The following CDKAL1 variants were observed in gnomAD, a reference collection of about 807,000 sequenced individuals.
CDKAL1 encodes the protein CDKAL1 threonylcarbamoyladenosine tRNA methylthiotransferase, also known as threonylcarbamoyladenosine tRNA methylthiotransferase.
CDKAL1 carries 32 observed loss-of-function variants against 68.2 expected under a neutral mutation model. The observed-to-expected ratio is 0.47, with a 90% CI of 0.35 to 0.63. The LOEUF is 0.63. Among genes scored for constraint, CDKAL1 ranks in the 30% least tolerant of loss-of-function variants. The pLI is 0.00. For synonymous variants in CDKAL1, 234 were observed against 244.3 expected, an observed-to-expected ratio of 0.96 and a Z score of 0.39; for missense variants, 606 against 696.7, an observed-to-expected ratio of 0.87 and a Z score of 1.47.
At chr6:20,917,823 T>C (rs140208387) in intron 9 of CDKAL1, among the ~76,000 whole-genome samples, 1 of 152,328 alleles carries the variant, frequency 6.6e-6, no homozygotes, top group Non-Finnish European at 1.5e-5. Context: ...AATTCATACA[T>C]TGAAACCTAA....
At chr6:20,775,355 C>G (rs1273332352) in intron 7 of CDKAL1, among the ~76,000 whole-genome samples, 1 of 152,156 alleles carries the variant, frequency 6.6e-6, no homozygotes. Flanking sequence ...TCCCTTCACT[C>G]AAGCCAAAAG....
chr6:20,678,765 T>C (rs1382734907), intron 5 of CDKAL1, among the ~76,000 whole-genome samples: 1 of 152,146 alleles, frequency 6.6e-6, no homozygotes, highest in East Asian at 1.9e-4. Flanking sequence ...ATATATATTA[T>C]TTTTTATTTA....
Position 20,897,921 on chromosome 6 carries a change from A to G in CDKAL1, c.742+51743A>G, listed in dbSNP as rs935354232. The stretch of plus-strand genomic sequence containing the variant: ...AGTAATTAAAATACAATAAAAATCT[A>G]TTTAAGATTGGATTATATGAATGAC... On this transcript the variant is annotated intron_variant, in intron 9 of 15. Coordinates refer to ENST00000274695, the MANE Select transcript of CDKAL1 (RefSeq NM_017774.3). 2.6e-5 allele frequency among the ~76,000 whole-genome samples: 4 copies of G among 152,290 alleles called. No homozygotes were observed. The South Asian group carries it at 6.2e-4, about 24-fold the overall frequency.
chr6:21,104,530 AC>A (rs1773748904), intron 12 of CDKAL1, among the ~76,000 whole-genome samples: 1 of 151,624 alleles, frequency 6.6e-6, no homozygotes, highest in African/African-American at 2.4e-5. Flanking sequence ...AAAAAAAAAA[AC>A]AACAGGCAGT....
chr6:20,611,072 G>A (rs2127722213), intron 4 of CDKAL1, among the ~76,000 whole-genome samples: 1 of 152,152 alleles, frequency 6.6e-6, no homozygotes, highest in East Asian at 1.9e-4. Flanking sequence ...GAAATCTGGT[G>A]GCCATCTGTT....
At chr6:21,183,297 G>A (rs1203765030) in intron 13 of CDKAL1, among the ~76,000 whole-genome samples, 1 of 152,186 alleles carries the variant, frequency 6.6e-6, no homozygotes, top group Non-Finnish European at 1.5e-5. Context: ...CGAAAAGGGA[G>A]CAAAGAGGTC....
At chr6:20,863,410 C>T (rs980585380) in intron 9 of CDKAL1, among the ~76,000 whole-genome samples, 6 of 152,168 alleles carry the variant, frequency 3.9e-5, no homozygotes, top group African/African-American at 1.4e-4. Context: ...ACCTCCTCTT[C>T]AGTAAAGACC....
intron 5 of CDKAL1, among the ~76,000 whole-genome samples, chr6:20,696,477 A>G (rs1451211039): frequency 6.6e-6 from 1 of 152,218 alleles, no homozygotes; most frequent in Non-Finnish European, 1.5e-5. Context: ...GTTAGCAAAG[A>G]CAATTTCCTT....
intron 9 of CDKAL1, among the ~76,000 whole-genome samples, chr6:20,906,756 A>T (rs1001097077): frequency 6.6e-6 from 1 of 152,238 alleles, no homozygotes; most frequent in Non-Finnish European, 1.5e-5. Flanking sequence ...AAAAGAAGGC[A>T]GTAATATGGA....
chr6:20,668,677 CA>C (rs1769664865), intron 5 of CDKAL1, among the ~76,000 whole-genome samples: 1 of 152,206 alleles, frequency 6.6e-6, no homozygotes, highest in African/African-American at 2.4e-5. Context: ...AGCCATGATG[CA>C]GTGATCAAAC....
At chr6:21,083,119 G>T (rs939359572) in intron 12 of CDKAL1, among the ~76,000 whole-genome samples, 1 of 151,966 alleles carries the variant, frequency 6.6e-6, no homozygotes, top group Non-Finnish European at 1.5e-5. Flanking sequence ...ACTTGCTTCG[G>T]CCTCCCAAAA....
intron 8 of CDKAL1, among the ~76,000 whole-genome samples, chr6:20,810,522 A>G (rs1776763038): frequency 6.6e-6 from 1 of 151,202 alleles, no homozygotes; most frequent in Non-Finnish European, 1.5e-5. Flanking sequence ...GCTTGAGCCC[A>G]GGAGTTCCAG....
chr6:20,842,495 T>C (rs1324535836), intron 8 of CDKAL1, among the ~76,000 whole-genome samples: 2 of 152,214 alleles, frequency 1.3e-5, no homozygotes, highest in Admixed American at 1.3e-4. Context: ...TAACTGTGGA[T>C]AGGATGAACC....
intron 6 of CDKAL1, among the ~76,000 whole-genome samples, chr6:20,744,458 T>C (rs764035137): frequency 2.6e-5 from 4 of 152,164 alleles, no homozygotes; most frequent in Non-Finnish European, 5.9e-5. Context: ...TGCAGCAGTA[T>C]ATAAAATCGT....
chr6:21,022,129 A>G (rs1768701103), intron 11 of CDKAL1, among the ~76,000 whole-genome samples: 1 of 152,230 alleles, frequency 6.6e-6, no homozygotes, highest in Non-Finnish European at 1.5e-5. Flanking sequence ...CAAAGCTACA[A>G]GGATTTGGAA....
At chr6:21,084,120 A>G (rs1310866265) in intron 12 of CDKAL1, among the ~76,000 whole-genome samples, 2 of 151,574 alleles carry the variant, frequency 1.3e-5, no homozygotes, top group Non-Finnish European at 2.9e-5. Context: ...AAAACTCAAA[A>G]CTCTCAGTGG....
At chr6:20,737,585 A>G (rs1225949822) in intron 5 of CDKAL1, among the ~76,000 whole-genome samples, 1 of 150,788 alleles carries the variant, frequency 6.6e-6, no homozygotes, top group Non-Finnish European at 1.5e-5. Flanking sequence ...CTTTGTATAC[A>G]TGGCTAATGA....
intron 13 of CDKAL1, among the ~76,000 whole-genome samples, chr6:21,113,420 T>TA (rs1321309238): frequency 6.6e-6 from 1 of 151,762 alleles, no homozygotes; most frequent in Admixed American, 6.6e-5. Context: ...GCCGAGGCAG[T>TA]AGGACCACTT....
intron 4 of CDKAL1, among the ~76,000 whole-genome samples, chr6:20,644,597 G>A (rs919076607): frequency 3.3e-5 from 5 of 152,062 alleles, no homozygotes; most frequent in South Asian, 4.1e-4. Context: ...GGAGAATGGC[G>A]TGAACCCGGG....
Sources: gnomAD v4.1 joint callset for allele counts (sites outside exome capture counted in the v4.1 genomes callset) on GRCh38, gnomAD v4.1.1 for gene constraint, MANE v1.5 for transcripts, NCBI Gene and HGNC (gene_info 2026-07-23, HGNC 2026-07-21) for gene names.